The following PRH1 variants were observed in gnomAD, a reference collection of about 807,000 sequenced individuals.
The protein encoded by PRH1 is proline rich protein HaeIII subfamily 1.
In PRH1, 7 loss-of-function variants were observed where a neutral mutation model predicts 7.9. The observed-to-expected ratio is 0.89, with a 90% CI of 0.50 to 1.67. The LOEUF (loss-of-function observed/expected upper bound fraction) is 1.67, where lower values mean the gene tolerates loss of function less well. Among genes scored for constraint, PRH1 ranks in the 40% most tolerant of loss-of-function variants. PRH1 has a pLI of 0.00. For synonymous variants in PRH1, 45 were observed against 80.8 expected (o/e 0.56, Z 2.38); for missense variants, 109 against 223.6 (o/e 0.49, Z 3.27).
At chr12:11,037,400 C>G (rs1942479433) in intron 1 of PRH1, among the ~76,000 whole-genome samples, 1 of 152,184 alleles carries the variant, frequency 6.6e-6, no homozygotes, top group South Asian at 2.1e-4. Context: ...GTATTTTTCT[C>G]TAATGTAGAG....
intron 1 of PRH1, among the ~76,000 whole-genome samples, chr12:11,054,620 A>G (rs1337677243): frequency 6.6e-6 from 1 of 152,196 alleles, no homozygotes; most frequent in Admixed American, 6.5e-5. Flanking sequence ...GGGCATAATT[A>G]TTTCATTTAG....
chr12:11,067,137 G>C (rs953471407), intron 1 of PRH1, among the ~76,000 whole-genome samples: 28 of 151,910 alleles, frequency 1.8e-4, no homozygotes, highest in African/African-American at 6.0e-4. Context: ...CATTATATAT[G>C]CACAAACATG....
chr12:11,042,486 TAAA>T (rs140733298), intron 1 of PRH1, among the ~76,000 whole-genome samples: 2 of 95,010 alleles, frequency 2.1e-5, no homozygotes, highest in East Asian at 3.2e-4. Context: ...TCTCCCAGTT[TAAA>T]AAAAAAAAAA....
chr12:11,059,066 G>A (rs1943481847), intron 1 of PRH1, among the ~76,000 whole-genome samples: 4 of 152,312 alleles, frequency 2.6e-5, no homozygotes, highest in African/African-American at 9.6e-5. Flanking sequence ...ATGATGGAAG[G>A]CAGAACAGCA....
chr12:10,965,324 G>C (rs1343475406), intron 2 of PRH1: 1 of 1,281,914 alleles, frequency 7.8e-7, no homozygotes, highest in Non-Finnish European at 1.1e-6. Context: ...TACTAGAATG[G>C]AAAAAATGAT....
intron 1 of PRH1, among the ~76,000 whole-genome samples, chr12:10,983,607 T>C (rs1281192565): frequency 6.6e-6 from 1 of 152,186 alleles, no homozygotes; most frequent in Non-Finnish European, 1.5e-5. Flanking sequence ...AGGGAAACCC[T>C]GGCCAATGGG....
chr12:11,055,011 C>T (rs193272432), intron 1 of PRH1, among the ~76,000 whole-genome samples: 2,149 of 13,318 alleles, frequency 0.16, 20 homozygotes, highest in South Asian at 0.29. Flanking sequence ...CCTCAACCTC[C>T]GGAGTAGCTG....
intron 2 of PRH1, 70 bp downstream of exon 2, chr12:10,882,991 C>T: frequency 6.4e-7 from 1 of 1,554,720 alleles, no homozygotes; most frequent in Non-Finnish European, 8.9e-7. Flanking sequence ...GATAAGAAGA[C>T]ACTGGAGAAC....
chr12:10,896,778 A>G (rs1949653035), intron 2 of PRH1: 3 of 150,992 alleles, frequency 2.0e-5, no homozygotes, highest in Non-Finnish European at 2.9e-5. Context: ...AAAAAAAAAG[A>G]GAGAGAGAGT....
intron 1 of PRH1, among the ~76,000 whole-genome samples, chr12:10,999,074 A>C (rs1940448781): frequency 6.6e-6 from 1 of 152,122 alleles, no homozygotes; most frequent in African/African-American, 2.4e-5. Flanking sequence ...ATCTCAAATC[A>C]CCAGAGCCAT....
At chr12:11,170,803 A>ATTT (rs1470071459) in intron 1 of PRH1, among the ~76,000 whole-genome samples, 2 of 152,238 alleles carry the variant, frequency 1.3e-5, no homozygotes, top group African/African-American at 4.8e-5. Flanking sequence ...TATTCCTAAT[A>ATTT]AATAGAAAAA....
chr12:10,924,118 G>A lies in PRH1; in HGVS notation c.-58-39843C>T, dbSNP rs960822106. On this transcript the variant is annotated intron_variant, in intron 2 of 3. Coordinates refer to the PRH1 transcript ENST00000539853. Reference sequence around the variant, plus strand: ...TTCTCCTGCCTCAGCCTCCCGAGTAGCTGGGACTACAGGCGCCTGCCACCA... The same window carrying A: ...TTCTCCTGCCTCAGCCTCCCGAGTAACTGGGACTACAGGCGCCTGCCACCA... Among the ~76,000 whole-genome samples, 5 of 147,568 alleles carry A rather than the reference G, an allele frequency of 3.4e-5. No homozygotes were observed. In the Admixed American group the frequency reaches 3.5e-4, roughly 10 times the overall value.
intron 1 of PRH1, among the ~76,000 whole-genome samples, chr12:10,994,591 G>A (rs1411954538): frequency 6.6e-6 from 1 of 152,054 alleles, no homozygotes; most frequent in Non-Finnish European, 1.5e-5. Context: ...TTTCTGCAGT[G>A]GACCTCCTTC....
At chr12:11,065,944 G>A (rs878933091) in intron 1 of PRH1, among the ~76,000 whole-genome samples, 3 of 152,160 alleles carry the variant, frequency 2.0e-5, no homozygotes, top group Non-Finnish European at 4.4e-5. Context: ...GAGCAGCACT[G>A]GATCTCAAAA....
chr12:11,035,513 T>A (rs1285847599), intron 1 of PRH1, among the ~76,000 whole-genome samples: 1 of 152,214 alleles, frequency 6.6e-6, no homozygotes, highest in Non-Finnish European at 1.5e-5. Context: ...CTTATATAAA[T>A]CATTTTTCTA....
intron 2 of PRH1, among the ~76,000 whole-genome samples, chr12:10,889,707 T>C (rs191679765): frequency 2.0e-5 from 3 of 152,300 alleles, no homozygotes; most frequent in Admixed American, 1.3e-4. Flanking sequence ...TTTCAATTAT[T>C]TTACCCTGTA....
At chr12:11,085,290 ATTGT>A (rs1388106213) in intron 1 of PRH1, among the ~76,000 whole-genome samples, 6 of 151,044 alleles carry the variant, frequency 4.0e-5, no homozygotes, top group Admixed American at 2.0e-4. Context: ...AAATTTCAGC[ATTGT>A]TTAACAACTC....
chr12:11,085,171 T>A (rs551477336), intron 1 of PRH1, among the ~76,000 whole-genome samples: 1 of 143,908 alleles, frequency 6.9e-6, no homozygotes, highest in Non-Finnish European at 1.5e-5. Flanking sequence ...AAGTTTTAAA[T>A]ACTGTTTTGT....
downstream of PRH1, among the ~76,000 whole-genome samples, chr12:11,116,915 A>G (rs1945747850): frequency 6.6e-6 from 1 of 152,076 alleles, no homozygotes; most frequent in Non-Finnish European, 1.5e-5. Context: ...ATATAGAAGG[A>G]AAATCTCAAC....
Sources: allele counts gnomAD v4.1 joint callset (sites outside exome capture counted in the v4.1 genomes callset), GRCh38; gene constraint gnomAD v4.1.1; transcripts MANE v1.5; gene names NCBI Gene and HGNC (gene_info 2026-07-23, HGNC 2026-07-21).